RIPOR2: variants seen among roughly 807,000 people sequenced by gnomAD.
RIPOR2 encodes RHO family interacting cell polarization regulator 2, also known as rho family-interacting cell polarization regulator 2.
Under a neutral mutation model 114.5 loss-of-function variants are expected in RIPOR2, and 39 were observed. That is an observed-to-expected ratio of 0.34 (90% CI 0.26 to 0.44). The LOEUF (loss-of-function observed/expected upper bound fraction) is 0.44. RIPOR2 is among the 20% of genes least tolerant of loss of function. The probability of loss-of-function intolerance (pLI) is 1.00; values close to 1 mark genes in which losing one functional copy is unlikely to be tolerated. For synonymous variants in RIPOR2, 445 were observed against 484.4 expected, an observed-to-expected ratio of 0.92 and a Z score of 1.07; for missense variants, 1,007 against 1,255.1, an observed-to-expected ratio of 0.80 and a Z score of 2.99.
At chr6:24,968,650 T>C (rs1304174909) in intron 1 of RIPOR2, among the ~76,000 whole-genome samples, 1 of 152,180 alleles carries the variant, frequency 6.6e-6, no homozygotes, top group Non-Finnish European at 1.5e-5. Flanking sequence ...CTAAACAGTA[T>C]CTGGACTAGG....
chr6:25,034,949 T>C (rs1272556110), intron 1 of RIPOR2, among the ~76,000 whole-genome samples: 1 of 152,222 alleles, frequency 6.6e-6, no homozygotes, highest in Admixed American at 6.5e-5. Flanking sequence ...ATTGTACCCA[T>C]GGATTTAATC....
At position 24,839,061 on chromosome 6, in the gene RIPOR2, AATATAAGGAGAC is replaced by A; in HGVS notation, c.2039+18_2039+29del. On this transcript the variant is annotated intron_variant, in intron 14 of 21. Transcript: ENST00000643898. Reference sequence around the variant, plus strand: ...CTACTGTATCAGCTGTGACAGGAGAAATATAAGGAGACACTAACTTCAGACTTACCTGTGTTT... The same window carrying A: ...CTACTGTATCAGCTGTGACAGGAGAAACTAACTTCAGACTTACCTGTGTTT... 1.3e-6 allele frequency: 2 copies of A among 1,525,692 alleles called. No homozygotes were observed. The highest frequency in any genetic ancestry group is 2.4e-5 in the South Asian group (2 of 83,116). The allele number at this position is 1,525,692 out of a possible 1,614,324, so 94.5% of individuals were successfully genotyped here. A position where few individuals can be genotyped will look rare whatever the true frequency, so the allele number is the denominator to read the frequency against.
At position 25,022,531 on chromosome 6, in the gene RIPOR2, C is replaced by CTTTTTTTTTTTTTTTTTTTTTTTTTTTTT. The variant is rs1561848668; in HGVS notation, c.76+19319_76+19320insAAAAAAAAAAAAAAAAAAAAAAAAAAAAA. Among the ~76,000 whole-genome samples, 22 of 64,510 alleles carry CTTTTTTTTTTTTTTTTTTTTTTTTTTTTT rather than the reference C, an allele frequency of 3.4e-4. 2 individuals are homozygous for CTTTTTTTTTTTTTTTTTTTTTTTTTTTTT. Among genetic ancestry groups the CTTTTTTTTTTTTTTTTTTTTTTTTTTTTT allele is most frequent in the Non-Finnish European group, 6.9e-4 (20 of 29,028 alleles). 42.3% of individuals were successfully genotyped at this position (64,510 alleles called of 152,430 possible). ...CACATATAACTAATGTGGTACCTTC[C>CTTTTTTTTTTTTTTTTTTTTTTTTTTTTT]ATTTTTTTTTTTTTTTTTTTTTTTT... On this transcript the variant is annotated intron_variant, in intron 1 of 13. Transcript: ENST00000510784.
At chr6:25,023,488 G>C in intron 1 of RIPOR2, 1 of 768,848 alleles carries the variant, frequency 1.3e-6, no homozygotes, top group Non-Finnish European at 2.4e-6. Context: ...CGATGCAGTG[G>C]CGGACAAATT....
chr6:24,875,757 C>T lies in RIPOR2; in HGVS notation c.122G>A (p.Gly41Glu). ...CTGGCTTCTAATGATCCCATTGGGC[C>T]CTCCAGGCGAAAAAGACTGGGATCC... ...LVGSQSFSPG[G>E]PNGIIRSQSF... Residue 41 changes from glycine (G) to glutamate (E), a missense_variant, in exon 2 of 22, where the codon GGG becomes GAG. Gly to Glu is a moderately conservative substitution (Grantham distance 98). Transcript: ENST00000643898. 6.2e-7 allele frequency: 1 copy of T among 1,613,554 alleles called. No individual in the cohort carries two copies. Among genetic ancestry groups the T allele is most frequent in the Non-Finnish European group, 8.5e-7 (1 of 1,179,710 alleles).
intron 14 of RIPOR2, among the ~76,000 whole-genome samples, chr6:24,837,687 G>C (rs1761236305): frequency 6.6e-6 from 1 of 152,206 alleles, no homozygotes; most frequent in Admixed American, 6.5e-5. Flanking sequence ...TGGGATTATA[G>C]GCATGAGCCA....
At chr6:24,847,722 A>G in intron 12 of RIPOR2, 1 of 1,535,672 alleles carries the variant, frequency 6.5e-7, no homozygotes, top group Non-Finnish European at 8.8e-7. Context: ...TGGGGGAGTT[A>G]GTGGGAAGAA....
chr6:24,930,834 T>C (rs1012477778), intron 1 of RIPOR2, among the ~76,000 whole-genome samples: 11 of 152,230 alleles, frequency 7.2e-5, no homozygotes, highest in Non-Finnish European at 1.5e-4. Flanking sequence ...GGCAGCCTCT[T>C]TCTGCCCCTT....
intron 14 of RIPOR2, 112 bp from the exon 15 acceptor site, chr6:24,835,983 C>T (rs1344149504): frequency 1.1e-6 from 1 of 928,940 alleles, no homozygotes; most frequent in Non-Finnish European, 1.6e-6. Context: ...CAGTCTTTCA[C>T]TTGCCTATCT....
At chr6:25,032,666 A>G (rs1041024853) in intron 1 of RIPOR2, among the ~76,000 whole-genome samples, 2 of 152,184 alleles carry the variant, frequency 1.3e-5, no homozygotes, top group African/African-American at 2.4e-5. Context: ...CTGGAGAGTC[A>G]CAGACATCAG....
intron 1 of RIPOR2, among the ~76,000 whole-genome samples, chr6:24,901,667 C>T (rs1333198989): frequency 1.3e-5 from 2 of 152,176 alleles, no homozygotes; most frequent in African/African-American, 4.8e-5. Flanking sequence ...AGAAAACGGT[C>T]ATACCTCAAA....
intron 1 of RIPOR2, among the ~76,000 whole-genome samples, chr6:25,029,419 A>AAG (rs1417465731): frequency 2.0e-5 from 3 of 150,876 alleles, no homozygotes; most frequent in South Asian, 4.2e-4. Context: ...AAGAAAAAAA[A>AAG]AAAAAAAAAA....
At chr6:24,835,668 T>C (rs1761050412) in intron 15 of RIPOR2, 35 bp downstream of exon 15, 2 of 1,542,742 alleles carry the variant, frequency 1.3e-6, no homozygotes, top group Non-Finnish European at 1.8e-6. Flanking sequence ...GTAAATCACC[T>C]GGCATCTCAA....
At chr6:24,832,119 T>G in intron 16 of RIPOR2, 137 bp downstream of exon 16, 1 of 850,324 alleles carries the variant, frequency 1.2e-6, no homozygotes, top group Non-Finnish European at 1.8e-6. Context: ...CCCAATTTGT[T>G]TGGAGACCTT....
intron 1 of RIPOR2, among the ~76,000 whole-genome samples, chr6:25,027,941 G>A (rs1776708178): frequency 1.3e-5 from 2 of 152,196 alleles, no homozygotes; most frequent in African/African-American, 4.8e-5. Context: ...GAAGAAAGGG[G>A]AGTGGGCACT....
At chr6:24,986,015 G>A (rs1056625582) in intron 1 of RIPOR2, among the ~76,000 whole-genome samples, 4 of 152,134 alleles carry the variant, frequency 2.6e-5, no homozygotes, top group African/African-American at 9.7e-5. Flanking sequence ...CTTGATAATG[G>A]TTCAGTGTGA....
intron 1 of RIPOR2, among the ~76,000 whole-genome samples, chr6:24,878,165 C>A (rs1403088093): frequency 6.6e-6 from 1 of 152,194 alleles, no homozygotes; most frequent in Non-Finnish European, 1.5e-5. Flanking sequence ...CATACTGATT[C>A]TTTGAAGAGA....
chr6:24,938,359 A>C (rs1483984373), upstream of RIPOR2, among the ~76,000 whole-genome samples: 2 of 152,172 alleles, frequency 1.3e-5, no homozygotes, highest in Non-Finnish European at 2.9e-5. Flanking sequence ...CCTCAGAAGA[A>C]CCAATCCTGC....
intron 1 of RIPOR2, among the ~76,000 whole-genome samples, chr6:24,970,869 G>A (rs1029223490): frequency 6.0e-5 from 9 of 149,070 alleles, no homozygotes; most frequent in African/African-American, 2.2e-4. Flanking sequence ...GGAGTCACTA[G>A]CAAGCGGCTA....
Sources: allele counts gnomAD v4.1 joint callset (sites outside exome capture counted in the v4.1 genomes callset), GRCh38; gene constraint gnomAD v4.1.1; transcripts MANE v1.5; gene names NCBI Gene and HGNC (gene_info 2026-07-23, HGNC 2026-07-21).